The following CLDN16 variants were observed in gnomAD, a reference collection of about 807,000 sequenced individuals.
The protein encoded by CLDN16 is claudin 16, also known as claudin-16.
Under a neutral mutation model 24.6 loss-of-function variants are expected in CLDN16, and 13 were observed. The observed-to-expected ratio is 0.53, with a 90% CI of 0.34 to 0.84. The LOEUF (loss-of-function observed/expected upper bound fraction) is 0.84. Among genes scored for constraint, CLDN16 ranks in the 40% least tolerant of loss-of-function variants. The pLI, the probability that CLDN16 is intolerant of heterozygous loss-of-function variation, is 0.01. For synonymous variants in CLDN16, 116 were observed against 106.7 expected, an observed-to-expected ratio of 1.09 and a Z score of -0.54; for missense variants, 298 against 292.7, an observed-to-expected ratio of 1.02 and a Z score of -0.13.
At chr3:190,327,623 C>A (rs1011327559) in intron 1 of CLDN16, among the ~76,000 whole-genome samples, 5 of 152,170 alleles carry the variant, frequency 3.3e-5, no homozygotes, top group African/African-American at 1.2e-4. Context: ...GGCTCTTGAT[C>A]CAGAAAGCTT....
intron 1 of CLDN16, among the ~76,000 whole-genome samples, chr3:190,335,480 C>T (rs1216441010): frequency 2.0e-5 from 3 of 151,844 alleles, no homozygotes; most frequent in African/African-American, 4.8e-5. Context: ...TTTGAGAGGC[C>T]GAAACGGGTG....
At chr3:190,354,584 G>T (rs1717729595) in intron 1 of CLDN16, among the ~76,000 whole-genome samples, 3 of 151,954 alleles carry the variant, frequency 2.0e-5, no homozygotes, top group Admixed American at 2.0e-4. Context: ...ATCCAGTCTG[G>T]CCAATAAGAG....
the CLDN16 span, among the ~76,000 whole-genome samples, chr3:190,294,844 A>T: frequency 2.0e-5 from 3 of 152,140 alleles, no homozygotes; most frequent in African/African-American, 7.2e-5. Context: ...AATGTCTTGC[A>T]AACTCAGTAA....
chr3:190,321,883 A>G, upstream of CLDN16: 1 of 874,310 alleles, frequency 1.1e-6, no homozygotes, highest in Non-Finnish European at 1.9e-6. Flanking sequence ...GATCAACTGA[A>G]GACTGATAAC....
chr3:190,382,332 G>A (rs1718387346), intron 3 of CLDN16, among the ~76,000 whole-genome samples: 1 of 152,072 alleles, frequency 6.6e-6, no homozygotes, highest in Non-Finnish European at 1.5e-5. Flanking sequence ...CATATGCCTT[G>A]CTACTGAATT....
At chr3:190,303,520 T>C in the CLDN16 span, among the ~76,000 whole-genome samples, 2 of 152,096 alleles carry the variant, frequency 1.3e-5, no homozygotes, top group Non-Finnish European at 2.9e-5. Context: ...TTTTTTCTAT[T>C]TTGGAAAAGG....
At chr3:190,409,245 CGTATATGCATGTATATATGCACACAT>C (rs1208558031) in intron 4 of CLDN16, among the ~76,000 whole-genome samples, 7 of 97,348 alleles carry the variant, frequency 7.2e-5, no homozygotes, top group East Asian at 2.4e-4. Flanking sequence ...TATGCACACA[CGTATATGCATGTATATATGCACACAT>C]GTATATGTAT....
At chr3:190,309,549 G>A in the CLDN16 span, among the ~76,000 whole-genome samples, 5 of 152,168 alleles carry the variant, frequency 3.3e-5, no homozygotes, top group East Asian at 3.8e-4. Flanking sequence ...GAAGAGCCTC[G>A]TCTCTGATTA....
At chr3:190,309,822 G>A in the CLDN16 span, among the ~76,000 whole-genome samples, 851 of 152,130 alleles carry the variant, frequency 5.6e-3, 5 homozygotes, top group African/African-American at 0.018. Flanking sequence ...AATAATCTTA[G>A]GTAGGTGTTG....
chr3:190,302,568 G>C, the CLDN16 span, among the ~76,000 whole-genome samples: 1 of 152,044 alleles, frequency 6.6e-6, no homozygotes, highest in African/African-American at 2.4e-5. Context: ...TCAAGAGTTT[G>C]AGACCAGCCT....
rs1717911157 is a variant in CLDN16, at chr3:190,362,484, TC to T, written n.122-8407del. 5.9e-5 allele frequency among the ~76,000 whole-genome samples: 9 copies of T among 151,958 alleles called. No individual in the cohort carries two copies. In the South Asian group the frequency reaches 1.9e-3, roughly 32 times the overall value. On this transcript the variant is annotated intron_variant and non_coding_transcript_variant, in intron 1 of 4. Transcript: ENST00000468220. ...TACCTGCCAAATTATCTTTAAAAAC[TC>T]CGATCCTCAAATGCTCAGGGAGACT...
intron 1 of CLDN16, among the ~76,000 whole-genome samples, chr3:190,396,951 G>A (rs1054373514): frequency 3.9e-5 from 6 of 152,138 alleles, no homozygotes; most frequent in Non-Finnish European, 5.9e-5. Flanking sequence ...CAGCGTTCAC[G>A]AGAGAGGCAG....
chr3:190,297,629 A>G, the CLDN16 span, among the ~76,000 whole-genome samples: 1 of 141,744 alleles, frequency 7.1e-6, no homozygotes, highest in Non-Finnish European at 1.5e-5. Flanking sequence ...AATATAATAT[A>G]TAATATATAA....
At chr3:190,303,895 A>AG in the CLDN16 span, among the ~76,000 whole-genome samples, 2 of 79,476 alleles carry the variant, frequency 2.5e-5, no homozygotes, top group African/African-American at 2.0e-4. Context: ...CACAAAACAC[A>AG]AAAAAAAGCC....
chr3:190,345,371 C>T (rs984081676), intron 1 of CLDN16, among the ~76,000 whole-genome samples: 4 of 152,180 alleles, frequency 2.6e-5, no homozygotes, highest in Non-Finnish European at 4.4e-5. Flanking sequence ...CTTCTCCTCC[C>T]TTAGTTACAC....
chr3:190,398,674 A>C (rs1718881923), intron 1 of CLDN16, among the ~76,000 whole-genome samples: 1 of 152,094 alleles, frequency 6.6e-6, no homozygotes, highest in Non-Finnish European at 1.5e-5. Context: ...GCCACTACTC[A>C]AGTCATTATG....
chr3:190,319,499 C>A (rs566549401), upstream of CLDN16, among the ~76,000 whole-genome samples: 1 of 152,264 alleles, frequency 6.6e-6, no homozygotes, highest in Admixed American at 6.5e-5. Context: ...ACACTATTAG[C>A]ACACTGTATT....
intron 1 of CLDN16, among the ~76,000 whole-genome samples, chr3:190,351,292 G>A (rs533262406): frequency 1.3e-5 from 2 of 152,136 alleles, no homozygotes; most frequent in South Asian, 2.1e-4. Context: ...CTTAGTCTCC[G>A]GTGTTCCTTT....
chr3:190,350,047 T>G (rs1211256776), intron 1 of CLDN16, among the ~76,000 whole-genome samples: 2 of 152,060 alleles, frequency 1.3e-5, no homozygotes, highest in Non-Finnish European at 1.5e-5. Flanking sequence ...AAACAAGCTA[T>G]GGGAAAATGA....
Sources: gnomAD v4.1 joint callset for allele counts (sites outside exome capture counted in the v4.1 genomes callset) on GRCh38, gnomAD v4.1.1 for gene constraint, MANE v1.5 for transcripts, NCBI Gene and HGNC (gene_info 2026-07-23, HGNC 2026-07-21) for gene names.